The following CADM1 variants were observed in gnomAD, a reference collection of about 807,000 sequenced individuals.
CADM1 encodes the protein cell adhesion molecule 1.
In CADM1, 15 loss-of-function variants were observed where a neutral mutation model predicts 53.1. The observed-to-expected ratio is 0.28, with a 90% CI of 0.19 to 0.44. The LOEUF is 0.44. CADM1 is among the 20% of genes least tolerant of loss of function. The pLI, the probability that CADM1 is intolerant of heterozygous loss-of-function variation, is 1.00. For missense variants in CADM1, 434 were observed against 611.3 expected, an observed-to-expected ratio of 0.71 and a Z score of 3.06; for synonymous variants, 281 against 243.0, an observed-to-expected ratio of 1.16 and a Z score of -1.45.
chr11:115,280,353 T>C (rs1943554785), intron 1 of CADM1, among the ~76,000 whole-genome samples: 2 of 152,222 alleles, frequency 1.3e-5, no homozygotes, highest in Non-Finnish European at 2.9e-5. Context: ...AATGCCTTTT[T>C]CACTCAAATG....
Position 115,199,766 on chromosome 11 carries a change from T to C in CADM1, c.1079-1328A>G, listed in dbSNP as rs561020584. Among the ~76,000 whole-genome samples the C allele has an allele frequency of 4.6e-5, 7 of 152,334 alleles. No homozygotes were observed. The East Asian group carries it at 1.3e-3, about 29-fold the overall frequency. On this transcript the variant is annotated intron_variant, in intron 8 of 11. Transcript: ENST00000331581. ...AACTGAGACAGGAGTTAGTTATCTCTAGTCAAATGGTGGTGGTTGAAGTAA... is the reference window on the plus strand; with the variant it reads ...AACTGAGACAGGAGTTAGTTATCTCCAGTCAAATGGTGGTGGTTGAAGTAA...
At chr11:115,471,257 A>G (rs1438304401) in intron 1 of CADM1, among the ~76,000 whole-genome samples, 3 of 152,228 alleles carry the variant, frequency 2.0e-5, no homozygotes, top group Non-Finnish European at 4.4e-5. Context: ...AAAGGACAGA[A>G]CATACATACA....
chr11:115,202,350 T>G (rs1488001373), intron 8 of CADM1, among the ~76,000 whole-genome samples: 1 of 152,162 alleles, frequency 6.6e-6, no homozygotes, highest in Non-Finnish European at 1.5e-5. Flanking sequence ...AACTAATCCA[T>G]AAATTGGTCC....
chr11:115,431,178 T>C (rs1296234829), intron 1 of CADM1, among the ~76,000 whole-genome samples: 2 of 152,214 alleles, frequency 1.3e-5, no homozygotes, highest in Non-Finnish European at 2.9e-5. Context: ...GTAAAATATA[T>C]GCAAAGTTTA....
At position 115,178,835 on chromosome 11, in the gene CADM1, G is replaced by A. The variant is rs528435144; in HGVS notation, c.1166-60C>T. ...CTTATTACAAGGCACCAGAAGCCCC[G>A]GCGACACTGTCTCCAGGGTCAGAGG... On this transcript the variant is annotated intron_variant, in intron 10 of 11. Coordinates refer to ENST00000331581, the MANE Select transcript of CADM1 (RefSeq NM_001301043.2). The A allele has an allele frequency of 5.1e-5, 81 of 1,586,204 alleles. No individual in the cohort carries two copies. The East Asian group carries it at 5.1e-4, about 10-fold the overall frequency.
At chr11:115,405,026 T>C (rs1277969100) in intron 1 of CADM1, among the ~76,000 whole-genome samples, 2 of 152,174 alleles carry the variant, frequency 1.3e-5, no homozygotes, top group African/African-American at 4.8e-5. Context: ...TGTCTCACTA[T>C]GTTGCCCAGG....
rs568708790 is a variant in CADM1, at chr11:115,487,419, T to TA, written c.124+16851dup. Among the ~76,000 whole-genome samples, 331 of 152,248 alleles carry TA rather than the reference T, an allele frequency of 2.2e-3. 1 individual carries two copies. The highest frequency in any genetic ancestry group is 7.7e-3 in the African/African-American group (319 of 41,548). On this transcript the variant is annotated intron_variant, in intron 1 of 11. Coordinates refer to ENST00000331581, the MANE Select transcript of CADM1 (RefSeq NM_001301043.2). ...AAATCTTGAAGGTGATGACCTCATT[T>TA]AAAAAAATCCTAAAACCTTGAAAAA... is the stretch of plus-strand genomic sequence containing the variant.
Position 115,176,009 on chromosome 11 carries a change from A to G in CADM1, c.*465T>C, listed in dbSNP as rs1939010231. On this transcript the variant is annotated 3_prime_UTR_variant, in exon 12 of 12. Coordinates refer to ENST00000331581, the MANE Select transcript of CADM1 (RefSeq NM_001301043.2). Reference sequence around the variant, plus strand: ...AAAGCAGTTACCATAAAAATAAACAAAAGTAAAAAACTAGAACAGAAAAGG... The same window carrying G: ...AAAGCAGTTACCATAAAAATAAACAGAAGTAAAAAACTAGAACAGAAAAGG... 7 of 1,042,690 alleles carry G rather than the reference A, an allele frequency of 6.7e-6. No individual in the cohort carries two copies. The highest frequency in any genetic ancestry group is 8.1e-6 in the Non-Finnish European group (7 of 865,298). The allele number at this position is 1,042,690 out of a possible 1,614,324, so 64.6% of individuals were successfully genotyped here. A position where few individuals can be genotyped will look rare whatever the true frequency, so the allele number is the denominator to read the frequency against.
chr11:115,346,659 A>G (rs1945587211), intron 1 of CADM1, among the ~76,000 whole-genome samples: 1 of 152,154 alleles, frequency 6.6e-6, no homozygotes, highest in Non-Finnish European at 1.5e-5. Context: ...AACTTTTCCC[A>G]GGTTTCTTTA....
intron 1 of CADM1, among the ~76,000 whole-genome samples, chr11:115,459,608 T>C (rs1948752400): frequency 1.3e-5 from 2 of 152,188 alleles, no homozygotes; most frequent in African/African-American, 4.8e-5. Context: ...ACTTCCCTGC[T>C]GGCAGTCCAG....
chr11:115,499,357 CT>C (rs1949685058), intron 1 of CADM1, among the ~76,000 whole-genome samples: 1 of 152,184 alleles, frequency 6.6e-6, no homozygotes, highest in Non-Finnish European at 1.5e-5. Flanking sequence ...GATTTCTCCC[CT>C]ATGAAGGTGC....
At chr11:115,250,171 G>A (rs963632881) in intron 1 of CADM1, among the ~76,000 whole-genome samples, 2 of 152,144 alleles carry the variant, frequency 1.3e-5, no homozygotes, top group Admixed American at 6.5e-5. Flanking sequence ...GCAAAGTGCT[G>A]GGATTACAAG....
intron 1 of CADM1, among the ~76,000 whole-genome samples, chr11:115,379,673 A>T (rs1946526211): frequency 6.6e-6 from 1 of 152,166 alleles, no homozygotes; most frequent in Non-Finnish European, 1.5e-5. Flanking sequence ...AGACATGTTA[A>T]ATTATTTACT....
chr11:115,312,556 C>A (rs183957545), intron 1 of CADM1, among the ~76,000 whole-genome samples: 1 of 152,226 alleles, frequency 6.6e-6, no homozygotes, highest in Admixed American at 6.5e-5. Flanking sequence ...ATTAGAGCAA[C>A]AAGATATATC....
chr11:115,403,348 G>GAA, intron 1 of CADM1, among the ~76,000 whole-genome samples: 1 of 152,190 alleles, frequency 6.6e-6, no homozygotes, highest in African/African-American at 2.4e-5. Context: ...AATGCAATGT[G>GAA]TAATCCTGAA....
At chr11:115,186,836 G>C (rs1218070266) in intron 10 of CADM1, among the ~76,000 whole-genome samples, 1 of 152,080 alleles carries the variant, frequency 6.6e-6, no homozygotes, top group African/African-American at 2.4e-5. Context: ...CACAGCATTT[G>C]TCACTGTCCA....
intron 1 of CADM1, among the ~76,000 whole-genome samples, chr11:115,471,739 T>C (rs941859168): frequency 1.3e-4 from 20 of 152,166 alleles, no homozygotes; most frequent in African/African-American, 4.6e-4. Flanking sequence ...TGGAGTTTGT[T>C]GACTGGAGTG....
intron 1 of CADM1, among the ~76,000 whole-genome samples, chr11:115,394,928 G>A (rs1038464521): frequency 9.9e-5 from 15 of 152,106 alleles, no homozygotes; most frequent in African/African-American, 3.4e-4. Flanking sequence ...GGAAAAATTC[G>A]TGGGTCAGAG....
chr11:115,474,795 T>C (rs1056543636), intron 1 of CADM1, among the ~76,000 whole-genome samples: 3 of 151,974 alleles, frequency 2.0e-5, no homozygotes, highest in Non-Finnish European at 4.4e-5. Context: ...CATGTATACA[T>C]ATGTAACAAA....
Sources: gnomAD v4.1 joint callset for allele counts (sites outside exome capture counted in the v4.1 genomes callset) on GRCh38, gnomAD v4.1.1 for gene constraint, MANE v1.5 for transcripts, NCBI Gene and HGNC (gene_info 2026-07-23, HGNC 2026-07-21) for gene names.